Variants in LRFN5 observed in about 807,000 individuals in gnomAD.
The protein encoded by LRFN5 is leucine rich repeat and fibronectin type III domain containing 5.
LRFN5 carries 24 observed loss-of-function variants against 45.6 expected under a neutral mutation model. That is an observed-to-expected ratio of 0.53 (90% confidence interval 0.38 to 0.74). The LOEUF (loss-of-function observed/expected upper bound fraction) is 0.74. Ranked by LOEUF, LRFN5 falls within the 30% of genes least tolerant of loss-of-function variation. The pLI is 0.00. For missense variants in LRFN5, 776 were observed against 861.5 expected (o/e 0.90, Z 1.24); for synonymous variants, 340 against 313.8 (o/e 1.08, Z -0.88).
chr14:41,833,699 GC>G (rs1445889671), intron 2 of LRFN5, among the ~76,000 whole-genome samples: 2 of 152,098 alleles, frequency 1.3e-5, no homozygotes, highest in Admixed American at 1.3e-4. Context: ...TGGCTTTTGG[GC>G]AACATCCAAT....
intron 1 of LRFN5, among the ~76,000 whole-genome samples, chr14:41,740,916 T>A (rs1355333996): frequency 1.3e-5 from 2 of 152,012 alleles, no homozygotes; most frequent in African/African-American, 4.8e-5. Context: ...AGAGTACTAT[T>A]TCTATAAACT....
At chr14:41,632,160 AG>A (rs370342249) in intron 1 of LRFN5, among the ~76,000 whole-genome samples, 1 of 151,738 alleles carries the variant, frequency 6.6e-6, no homozygotes, top group African/African-American at 2.4e-5. Context: ...AGAAGTCACA[AG>A]GAAAAAAAAA....
intron 1 of LRFN5, among the ~76,000 whole-genome samples, chr14:41,691,392 T>G (rs1028545619): frequency 1.3e-5 from 2 of 152,086 alleles, no homozygotes; most frequent in African/African-American, 4.8e-5. Context: ...TTTGGAACTT[T>G]TAGTTGTCTG....
chr14:41,704,448 C>G (rs75987068), intron 1 of LRFN5, among the ~76,000 whole-genome samples: 91,348 of 123,476 alleles, frequency 0.74, 34,257 homozygotes, highest in East Asian at 0.97. Flanking sequence ...CTCTCTCTCT[C>G]TGTGTGTGTG....
chr14:41,807,750 G>T (rs1360555960), intron 2 of LRFN5, among the ~76,000 whole-genome samples: 1 of 151,974 alleles, frequency 6.6e-6, no homozygotes, highest in African/African-American at 2.4e-5. Flanking sequence ...AGATTAATAA[G>T]AATTTTCCTT....
At chr14:41,768,688 T>TA (rs1441050354) in intron 2 of LRFN5, among the ~76,000 whole-genome samples, 3 of 152,136 alleles carry the variant, frequency 2.0e-5, no homozygotes, top group African/African-American at 7.2e-5. Context: ...CCAGAGATTT[T>TA]ATCTGCCCAA....
intron 2 of LRFN5, among the ~76,000 whole-genome samples, chr14:41,796,767 A>T (rs1357361675): frequency 6.6e-6 from 1 of 151,870 alleles, no homozygotes; most frequent in Non-Finnish European, 1.5e-5. Context: ...ATTTTCGCCC[A>T]TCTGATGGTT....
At chr14:41,658,530 A>G (rs1457223061) in intron 1 of LRFN5, among the ~76,000 whole-genome samples, 1 of 151,980 alleles carries the variant, frequency 6.6e-6, no homozygotes, top group Non-Finnish European at 1.5e-5. Flanking sequence ...TCTGTAGCAT[A>G]TAATTTATTT....
At chr14:41,860,484 C>G (rs972181529) in intron 2 of LRFN5, among the ~76,000 whole-genome samples, 2 of 152,066 alleles carry the variant, frequency 1.3e-5, no homozygotes, top group African/African-American at 4.8e-5. Context: ...ATAGACTATT[C>G]TGAAGCTAAT....
At chr14:41,784,191 G>C (rs1886636413) in intron 2 of LRFN5, among the ~76,000 whole-genome samples, 1 of 151,938 alleles carries the variant, frequency 6.6e-6, no homozygotes, top group Admixed American at 6.6e-5. Context: ...AAATGTATCA[G>C]AGTATAGCAG....
chr14:41,870,072 C>T (rs891562882), intron 2 of LRFN5, among the ~76,000 whole-genome samples: 2 of 152,134 alleles, frequency 1.3e-5, no homozygotes, highest in African/African-American at 2.4e-5. Context: ...AATCTAAACA[C>T]ATCTTAGCTG....
intron 1 of LRFN5, among the ~76,000 whole-genome samples, chr14:41,761,232 T>C (rs1885650110): frequency 6.7e-6 from 1 of 149,904 alleles, no homozygotes; most frequent in Non-Finnish European, 1.5e-5. Flanking sequence ...GTATAAGTTG[T>C]TGAGTTACTG....
chr14:41,728,298 A>G (rs778572760), intron 1 of LRFN5, among the ~76,000 whole-genome samples: 1 of 152,138 alleles, frequency 6.6e-6, no homozygotes, highest in Non-Finnish European at 1.5e-5. Context: ...GTTACAGACT[A>G]ACAACTTAAA....
rs888771446 is a variant in LRFN5, at chr14:41,805,530, A to G, written c.-21+38501A>G. ...ACTAACTCGTCATCTAGCATTAGGT[A>G]TATCTCCCAATGCTATCCCTCCACC... On this transcript the variant is annotated intron_variant, in intron 2 of 5. Coordinates refer to ENST00000298119, the MANE Select transcript of LRFN5 (RefSeq NM_152447.5). Among the ~76,000 whole-genome samples the G allele has an allele frequency of 6.6e-5, 10 of 150,722 alleles. 1 individual carries two copies. The highest frequency in any genetic ancestry group is 2.1e-4 in the South Asian group (1 of 4,760).
Position 41,673,256 on chromosome 14 carries a change from C to G in LRFN5, c.-197+64694C>G, listed in dbSNP as rs543065740. On this transcript the variant is annotated intron_variant, in intron 1 of 5. Coordinates refer to ENST00000298119, the MANE Select transcript of LRFN5 (RefSeq NM_152447.5). Reference sequence around the variant, plus strand: ...TACACCTCCCAGACGGGGTGGTGGCCGGGCAGAGGGGCTCCTCACTTCCCA... The same window carrying G: ...TACACCTCCCAGACGGGGTGGTGGCGGGGCAGAGGGGCTCCTCACTTCCCA... Among the ~76,000 whole-genome samples, 692 of 151,994 alleles carry G rather than the reference C, an allele frequency of 4.6e-3. 1 individual carries two copies. Among genetic ancestry groups the G allele is most frequent in the African/African-American group, 9.6e-3 (400 of 41,542 alleles).
intron 1 of LRFN5, among the ~76,000 whole-genome samples, chr14:41,635,055 T>G (rs760650015): frequency 1.6e-4 from 25 of 152,102 alleles, no homozygotes; most frequent in Non-Finnish European, 3.1e-4. Flanking sequence ...TTAGAACTTA[T>G]GAGTATAATC....
chr14:41,646,908 T>C (rs1879843473), intron 1 of LRFN5, among the ~76,000 whole-genome samples: 1 of 152,312 alleles, frequency 6.6e-6, no homozygotes, highest in Admixed American at 6.5e-5. Flanking sequence ...AGCCACACTC[T>C]GGGTGCTTCC....
At chr14:41,865,360 A>G (rs1889804155) in intron 2 of LRFN5, among the ~76,000 whole-genome samples, 1 of 152,144 alleles carries the variant, frequency 6.6e-6, no homozygotes, top group African/African-American at 2.4e-5. Flanking sequence ...TTTATGTAGC[A>G]TGATTTCAAG....
intron 1 of LRFN5, among the ~76,000 whole-genome samples, chr14:41,749,607 G>A (rs574764421): frequency 6.6e-6 from 1 of 152,204 alleles, no homozygotes; most frequent in East Asian, 1.9e-4. Context: ...ATAAGTGAAA[G>A]TGAAACCATA....
Sources: gnomAD v4.1 joint callset for allele counts (sites outside exome capture counted in the v4.1 genomes callset) on GRCh38, gnomAD v4.1.1 for gene constraint, MANE v1.5 for transcripts, NCBI Gene and HGNC (gene_info 2026-07-23, HGNC 2026-07-21) for gene names.